Variants in SLC45A4 observed in about 807,000 individuals in gnomAD.
SLC45A4 encodes the protein polyamine-transporter SLC45A4.
SLC45A4 carries 32 observed loss-of-function variants against 63.7 expected under a neutral mutation model. The ratio of observed to expected loss-of-function variants is 0.50; its 90% CI spans 0.38 to 0.67. The LOEUF (loss-of-function observed/expected upper bound fraction) is 0.67. Among genes scored for constraint, SLC45A4 ranks in the 30% least tolerant of loss-of-function variants. The probability of loss-of-function intolerance (pLI) is 0.00; values close to 1 mark genes in which losing one functional copy is unlikely to be tolerated. For missense variants in SLC45A4, 1,027 were observed against 1,157.7 expected, an observed-to-expected ratio of 0.89 and a Z score of 1.64; for synonymous variants, 535 against 510.0, an observed-to-expected ratio of 1.05 and a Z score of -0.66.
intron 2 of SLC45A4, among the ~76,000 whole-genome samples, chr8:141,223,942 T>C (rs1195817970): frequency 1.3e-5 from 2 of 152,012 alleles, no homozygotes; most frequent in Non-Finnish European, 2.9e-5. Flanking sequence ...CTCTTTCCTT[T>C]CTGAAAACTC....
intron 6 of SLC45A4, 77 bp from the exon 7 acceptor site, chr8:141,216,047 C>T (rs1826128331): frequency 7.5e-7 from 1 of 1,340,170 alleles, no homozygotes; most frequent in Admixed American, 2.0e-5. Flanking sequence ...CATCCCTCCC[C>T]TCGCCCCCCA....
Position 141,218,929 on chromosome 8 carries a change from A to C in SLC45A4, c.711T>G (p.Phe237Leu), listed in dbSNP as rs1380789793. The C allele has an allele frequency of 3.7e-6, 6 of 1,613,638 alleles. No individual in the cohort carries two copies. The highest frequency in any genetic ancestry group is 5.1e-6 in the Non-Finnish European group (6 of 1,179,948). Residue 237 changes from phenylalanine to leucine, a missense_variant, in exon 5 of 9, where the codon TTT becomes TTG. By Grantham distance (22) the Phe-to-Leu change is conservative. Coordinates refer to ENST00000517878, the MANE Select transcript of SLC45A4 (RefSeq NM_001286646.2). ...CGGACACCGTGAAGATGATGGCGGCAAAGAAGAAGAGCACCTGGTTCTGGG... is the reference window on the plus strand; with the variant it reads ...CGGACACCGTGAAGATGATGGCGGCCAAGAAGAAGAGCACCTGGTTCTGGG... ...FRTQNQVLFF[F>L]AAIIFTVSVA...
chr8:141,258,301 A>G (rs769678445), intron 1 of SLC45A4, among the ~76,000 whole-genome samples: 8 of 151,816 alleles, frequency 5.3e-5, no homozygotes, highest in Non-Finnish European at 8.8e-5. Context: ...GTGCCACCTA[A>G]ACTGTCCAGT....
At chr8:141,289,748 T>G (rs1589856648) in intron 1 of SLC45A4, among the ~76,000 whole-genome samples, 1 of 151,540 alleles carries the variant, frequency 6.6e-6, no homozygotes, top group African/African-American at 2.4e-5. Flanking sequence ...AGGCCTGGAG[T>G]GAGGGCTAGA....
chr8:141,228,258 T>A, intron 2 of SLC45A4: 1 of 1,613,894 alleles, frequency 6.2e-7, no homozygotes, highest in African/African-American at 1.3e-5. Flanking sequence ...CTGGGCTTGC[T>A]TTCCCCATAG....
At chr8:141,228,455 G>C in intron 2 of SLC45A4, 1 of 1,381,090 alleles carries the variant, frequency 7.2e-7, no homozygotes, top group Non-Finnish European at 9.4e-7. Context: ...CTGTCTCAGG[G>C]CCGACCCTGT....
At chr8:141,247,156 G>A (rs1222241594) in intron 2 of SLC45A4, among the ~76,000 whole-genome samples, 1 of 142,580 alleles carries the variant, frequency 7.0e-6, no homozygotes, top group Non-Finnish European at 1.6e-5. Flanking sequence ...CCAATATCAG[G>A]AAAGAAGGAA....
chr8:141,269,667 A>G (rs1174739937), intron 1 of SLC45A4, among the ~76,000 whole-genome samples: 2 of 148,382 alleles, frequency 1.3e-5, no homozygotes, highest in East Asian at 4.0e-4. Flanking sequence ...CTGCGTCTGT[A>G]TGTCTGTGTG....
intron 1 of SLC45A4, among the ~76,000 whole-genome samples, chr8:141,285,759 C>T (rs900834917): frequency 2.0e-5 from 3 of 152,216 alleles, no homozygotes; most frequent in African/African-American, 7.2e-5. Flanking sequence ...GCAAACGCCC[C>T]GTGCCCCCTT....
rs544855931 is a variant in SLC45A4, at chr8:141,305,637, C to A, written c.-401+2459G>T. 1.2e-4 allele frequency among the ~76,000 whole-genome samples: 19 copies of A among 152,328 alleles called. No individual in the cohort carries two copies. The South Asian group carries it at 3.9e-3, about 32-fold the overall frequency. ...CCACCTACAGTGCTTGTCAGTCACC[C>A]TCACTCGGTGCCAGGCCACAAGGCT... On this transcript the variant is annotated intron_variant, in intron 1 of 8. Coordinates refer to ENST00000517878, the MANE Select transcript of SLC45A4 (RefSeq NM_001286646.2).
chr8:141,228,083 T>G, intron 2 of SLC45A4: 3 of 1,449,236 alleles, frequency 2.1e-6, no homozygotes, highest in Non-Finnish European at 2.9e-6. Flanking sequence ...CTGTGTGGAG[T>G]GGAGCTGTTG....
intron 3 of SLC45A4, 60 bp from the exon 4 acceptor site, chr8:141,219,889 T>C (rs1487003149): frequency 2.1e-6 from 3 of 1,444,336 alleles, no homozygotes; most frequent in African/African-American, 2.8e-5. Context: ...GTGGGCCTGA[T>C]AGCAAACAGC....
chr8:141,293,919 C>T (rs1486510479), intron 1 of SLC45A4, among the ~76,000 whole-genome samples: 3 of 145,710 alleles, frequency 2.1e-5, no homozygotes, highest in Non-Finnish European at 4.5e-5. Context: ...GGCAACAGAG[C>T]GAGACTCTAT....
Position 141,217,031 on chromosome 8 carries a change from A to G in SLC45A4, c.1729+59T>C, listed in dbSNP as rs555752198. ...TAAGGTGCAGGATTCTCTCGTCTGCATTTCTAATCACTGAGTTTTCTGGGG... is the reference window on the plus strand; with the variant it reads ...TAAGGTGCAGGATTCTCTCGTCTGCGTTTCTAATCACTGAGTTTTCTGGGG... On this transcript the variant is annotated intron_variant, in intron 6 of 8. Coordinates refer to ENST00000517878, the MANE Select transcript of SLC45A4 (RefSeq NM_001286646.2). The G allele has an allele frequency of 4.5e-6, 7 of 1,554,912 alleles. No individual in the cohort carries two copies. In the East Asian group the frequency reaches 1.6e-4, roughly 35 times the overall value.
chr8:141,224,277 CTTT>C, intron 2 of SLC45A4: 2 of 152,328 alleles, frequency 1.3e-5, no homozygotes, highest in Middle Eastern at 6.8e-3. Context: ...TAAAGATTCT[CTTT>C]ACTGCTGCTT....
rs1339065389 is a variant in SLC45A4, at chr8:141,210,827, C to G, written c.*745G>C. On this transcript the variant is annotated 3_prime_UTR_variant, in exon 9 of 9. Transcript: ENST00000517878. ...GTGCGGGGCCTCCCTGTCTCCTGAT[C>G]TCAGTAAGCCTACACCGACCGTTTC... 6.6e-6 allele frequency: 1 copy of G among 152,220 alleles called. No individual in the cohort carries two copies. Among genetic ancestry groups the G allele is most frequent in the Non-Finnish European group, 1.5e-5 (1 of 68,044 alleles). The allele number at this position is 152,220 out of a possible 1,614,324, so 9.4% of individuals were successfully genotyped here. A position where few individuals can be genotyped will look rare whatever the true frequency, so the allele number is the denominator to read the frequency against.
At chr8:141,231,084 A>C (rs1195730674) in intron 2 of SLC45A4, among the ~76,000 whole-genome samples, 1 of 152,186 alleles carries the variant, frequency 6.6e-6, no homozygotes, top group African/African-American at 2.4e-5. Flanking sequence ...TCTGCAAAGA[A>C]CACTAGTGTG....
At chr8:141,244,957 T>TGGGGGGGGGGGGGGGGGG (rs1243475649) in intron 2 of SLC45A4, among the ~76,000 whole-genome samples, 2 of 8,410 alleles carry the variant, frequency 2.4e-4, no homozygotes, top group Non-Finnish European at 2.6e-4. Flanking sequence ...AAGACGTGGG[T>TGGGGGGGGGGGGGGGGGG]GGGGGGGGGG....
rs763235643 is a variant in SLC45A4 at position 141,219,033 on chromosome 8, C to T, written c.611-4G>A. 5.8e-5 allele frequency: 93 copies of T among 1,603,514 alleles called. No individual in the cohort carries two copies. Among genetic ancestry groups the T allele is most frequent in the Non-Finnish European group, 7.2e-5 (84 of 1,173,216 alleles). ...TAGCCGATGGCTCCGCCGAGGCCTG[C>T]GTGGGAGGAAGCAGCAGCCGGTGAG... On this transcript the variant is annotated splice_region_variant and splice_polypyrimidine_tract_variant and intron_variant, in intron 4 of 8. Transcript: ENST00000517878.
Sources: gnomAD v4.1 joint callset for allele counts (sites outside exome capture counted in the v4.1 genomes callset) on GRCh38, gnomAD v4.1.1 for gene constraint, MANE v1.5 for transcripts, NCBI Gene and HGNC (gene_info 2026-07-23, HGNC 2026-07-21) for gene names.